The following PLEKHH2 variants were observed in gnomAD, a reference collection of about 807,000 sequenced individuals.
The protein encoded by PLEKHH2 is pleckstrin homology, MyTH4 and FERM domain containing H2.
Under a neutral mutation model 187.9 loss-of-function variants are expected in PLEKHH2, and 129 were observed. The observed-to-expected ratio is 0.69, with a 90% CI of 0.59 to 0.79. The LOEUF is 0.79. Among genes scored for constraint, PLEKHH2 ranks in the 30% least tolerant of loss-of-function variants. PLEKHH2 has a pLI of 0.00. For synonymous variants in PLEKHH2, 686 were observed against 605.6 expected (o/e 1.13, Z -1.95); for missense variants, 2,076 against 1,751.2 (o/e 1.19, Z -3.31).
chr2:43,733,250 C>G lies in PLEKHH2; in HGVS notation c.2943+1648C>G, dbSNP rs141866512. ...TGATGGCATGCGCCTATAGTCCCAG[C>G]TACTTGGGAGGCTGAGGCAGGAGAA... On this transcript the variant is annotated intron_variant, in intron 19 of 29. Coordinates refer to ENST00000282406, the MANE Select transcript of PLEKHH2 (RefSeq NM_172069.4). 2.1e-3 allele frequency among the ~76,000 whole-genome samples: 320 copies of G among 151,654 alleles called. 2 individuals are homozygous for G. Among genetic ancestry groups the G allele is most frequent in the African/African-American group, 7.1e-3 (294 of 41,316 alleles).
At chr2:43,742,342 C>T (rs531470438) in intron 21 of PLEKHH2, among the ~76,000 whole-genome samples, 2 of 151,748 alleles carry the variant, frequency 1.3e-5, no homozygotes, top group South Asian at 4.2e-4. Context: ...AGTGGTCAAG[C>T]GTTAACCACC....
Position 43,700,090 on chromosome 2 carries a change from G to A in PLEKHH2, c.1132G>A (p.Glu378Lys), listed in dbSNP as rs374959209. Residue 378 changes from glutamate (E) to lysine (K), a missense_variant, in exon 8 of 30, where the codon GAA (glutamate) becomes AAA (lysine). Coordinates refer to ENST00000282406, the MANE Select transcript of PLEKHH2 (RefSeq NM_172069.4). ...GKGNSELSKK[E>K]QDSSSDELNK... ...GGGAAATTCTGAATTAAGTAAAAAG[G>A]AACAAGATAGTTCCTCGGATGAACT... is the stretch of plus-strand genomic sequence containing the variant. 40 of 1,613,946 alleles carry A rather than the reference G, an allele frequency of 2.5e-5. No homozygotes were observed. The highest frequency in any genetic ancestry group is 3.3e-5 in the Non-Finnish European group (39 of 1,180,008).
At chr2:43,724,645 C>A (rs548567345) in intron 16 of PLEKHH2, among the ~76,000 whole-genome samples, 1 of 152,294 alleles carries the variant, frequency 6.6e-6, no homozygotes, top group South Asian at 2.1e-4. Flanking sequence ...AATGCTCCTC[C>A]TTTACTGGCA....
chr2:43,678,775 T>TGG, intron 2 of PLEKHH2, 88 bp from the exon 3 acceptor site: 26 of 993,060 alleles, frequency 2.6e-5, no homozygotes, highest in Admixed American at 3.9e-5. Context: ...GAGGTGGAGG[T>TGG]AGAATTATGA....
Position 43,726,282 on chromosome 2 carries a change from G to A in PLEKHH2, c.2552G>A (p.Gly851Asp), listed in dbSNP as rs1343550539. 1.9e-6 allele frequency: 3 copies of A among 1,606,752 alleles called. No individual in the cohort carries two copies. Among genetic ancestry groups the A allele is most frequent in the African/African-American group, 1.3e-5 (1 of 74,702 alleles). Residue 851 changes from glycine (G) to aspartate (D), a missense_variant, in exon 17 of 30, where the codon GGT becomes GAT. Transcript: ENST00000282406. ...FRSQEDKFPLGQIKLWEAKVE... is the reference protein window; with the variant it reads ...FRSQEDKFPLDQIKLWEAKVE... Reference sequence around the variant, plus strand: ...TAATATTTACTTTAGTTTCCTTTAGGTCAGATCAAACTCTGGGAGGCTAAA... The same window carrying A: ...TAATATTTACTTTAGTTTCCTTTAGATCAGATCAAACTCTGGGAGGCTAAA...
intron 17 of PLEKHH2, among the ~76,000 whole-genome samples, chr2:43,727,088 C>A (rs954077566): frequency 6.6e-6 from 1 of 151,058 alleles, no homozygotes; most frequent in Non-Finnish European, 1.5e-5. Context: ...AGGCCTTTAT[C>A]TGAGTTCTGA....
At chr2:43,641,643 T>G (rs1249092690) in intron 1 of PLEKHH2, among the ~76,000 whole-genome samples, 1 of 152,206 alleles carries the variant, frequency 6.6e-6, no homozygotes, top group Non-Finnish European at 1.5e-5. Context: ...CCTGTAAGTT[T>G]GTGATCCATT....
chr2:43,704,070 C>G lies in PLEKHH2; in HGVS notation c.1726+14C>G. The G allele has an allele frequency of 1.9e-6, 3 of 1,545,858 alleles. No individual in the cohort carries two copies. The highest frequency in any genetic ancestry group is 2.7e-6 in the Non-Finnish European group (3 of 1,120,766). On this transcript the variant is annotated intron_variant, in intron 9 of 29. Transcript: ENST00000282406. ...GTGTTAATAAAAGTAAGTGCTTTTT[C>G]ATGCTGCCACCTGGATGAACCTTGA... is the stretch of plus-strand genomic sequence containing the variant.
At chr2:43,640,227 A>T (rs1334759014) in intron 1 of PLEKHH2, among the ~76,000 whole-genome samples, 15 of 135,934 alleles carry the variant, frequency 1.1e-4, no homozygotes, top group Non-Finnish European at 1.9e-4. Context: ...TTTTTTTTTG[A>T]GACGGTGTCT....
At position 43,699,818 on chromosome 2, in the gene PLEKHH2, G is replaced by GCTCT; in HGVS notation, c.861_864dup (p.Asp289LeufsTer2). On this transcript the variant is annotated frameshift_variant, in exon 8 of 30. Coordinates refer to ENST00000282406, the MANE Select transcript of PLEKHH2 (RefSeq NM_172069.4). LOFTEE classifies it high-confidence loss of function. ...TCTGGGGCTCCTGTGAGTGACTGGA[G>GCTCT]CTCTGATGAGGAAGACGGGAGCAAA... The GCTCT allele has an allele frequency of 6.2e-7, 1 of 1,611,728 alleles. No individual in the cohort carries two copies. The highest frequency in any genetic ancestry group is 8.5e-7 in the Non-Finnish European group (1 of 1,177,852).
At chr2:43,677,206 T>G (rs991949056) in intron 2 of PLEKHH2, among the ~76,000 whole-genome samples, 5 of 151,734 alleles carry the variant, frequency 3.3e-5, no homozygotes, top group Non-Finnish European at 7.4e-5. Flanking sequence ...TTTATGAGTT[T>G]TTTTTTTTTT....
chr2:43,668,352 A>G (rs1038307442), intron 2 of PLEKHH2, among the ~76,000 whole-genome samples: 1 of 152,178 alleles, frequency 6.6e-6, no homozygotes, highest in Non-Finnish European at 1.5e-5. Flanking sequence ...TTTTAAATGT[A>G]TAACTTAAAA....
chr2:43,738,577 G>A, intron 20 of PLEKHH2, 57 bp downstream of exon 20: 7 of 1,451,930 alleles, frequency 4.8e-6, no homozygotes, highest in African/African-American at 1.4e-5. Context: ...TTTTCTGATT[G>A]TAAGAATGAT....
chr2:43,722,382 AG>A (rs1670524841), intron 16 of PLEKHH2, among the ~76,000 whole-genome samples: 1 of 152,192 alleles, frequency 6.6e-6, no homozygotes, highest in Non-Finnish European at 1.5e-5. Context: ...CTGCCAATGA[AG>A]GTCAGAGAAG....
intron 16 of PLEKHH2, 138 bp downstream of exon 16, chr2:43,720,887 C>A: frequency 7.6e-7 from 1 of 1,312,990 alleles, no homozygotes; most frequent in Non-Finnish European, 1.0e-6. Flanking sequence ...TTTGGTGCAA[C>A]TGAGAAAATC....
chr2:43,708,803 C>G (rs1388058318), intron 11 of PLEKHH2, among the ~76,000 whole-genome samples: 4 of 152,150 alleles, frequency 2.6e-5, no homozygotes, highest in Non-Finnish European at 4.4e-5. Flanking sequence ...ATCTCTGGGC[C>G]TTAGTCTCCT....
intron 27 of PLEKHH2, among the ~76,000 whole-genome samples, chr2:43,761,985 C>T (rs988094111): frequency 1.4e-4 from 21 of 152,152 alleles, no homozygotes; most frequent in Middle Eastern, 3.4e-3. Context: ...AACGTCTTAA[C>T]GCAGAAGAAA....
chr2:43,746,224 C>G lies in PLEKHH2; in HGVS notation c.3653+261C>G, dbSNP rs531733108. 3.3e-4 allele frequency among the ~76,000 whole-genome samples: 50 copies of G among 152,334 alleles called. 1 individual carries two copies. Among genetic ancestry groups the G allele is most frequent in the African/African-American group, 1.1e-3 (46 of 41,570 alleles). ...AAACATCAGAAACACTAGGTCTCAG[C>G]TGAGCACGGTGGCTCACGCCTATAA... On this transcript the variant is annotated intron_variant, in intron 24 of 29. Transcript: ENST00000282406.
At position 43,704,662 on chromosome 2, in the gene PLEKHH2, T is replaced by TAAA. The variant is rs70965318; in HGVS notation, c.1726+628_1726+630dup. Among the ~76,000 whole-genome samples the TAAA allele has an allele frequency of 9.5e-3, 803 of 84,246 alleles. 25 individuals are homozygous for TAAA. The highest frequency in any genetic ancestry group is 0.035 in the African/African-American group (756 of 21,790). The allele number at this position is 84,246 out of a possible 152,430, so 55.3% of individuals were successfully genotyped here. A position where few individuals can be genotyped will look rare whatever the true frequency, so the allele number is the denominator to read the frequency against. ...TGGGTGACAGAGCAAGATTCTGTCTTAAAAAAAAAAAAAAAAAAAAAAAAG... is the reference window on the plus strand; with the variant it reads ...TGGGTGACAGAGCAAGATTCTGTCTTAAAAAAAAAAAAAAAAAAAAAAAAAAAG... On this transcript the variant is annotated intron_variant, in intron 9 of 29. Coordinates refer to ENST00000282406, the MANE Select transcript of PLEKHH2 (RefSeq NM_172069.4).
Sources: allele counts gnomAD v4.1 joint callset (sites outside exome capture counted in the v4.1 genomes callset), GRCh38; gene constraint gnomAD v4.1.1; transcripts MANE v1.5; gene names NCBI Gene and HGNC (gene_info 2026-07-23, HGNC 2026-07-21).